MCCC2: variants seen among roughly 807,000 people sequenced by gnomAD.
MCCC2 encodes methylcrotonyl-CoA carboxylase subunit 2.
A neutral mutation model predicts 77.2 loss-of-function variants in MCCC2; 52 were observed. That is an observed-to-expected ratio of 0.67 (90% CI 0.54 to 0.85). The LOEUF is 0.85. MCCC2 is among the 40% of genes least tolerant of loss of function. MCCC2 has a pLI of 0.00. For synonymous variants in MCCC2, 253 were observed against 248.4 expected (o/e 1.02, Z -0.18); for missense variants, 682 against 703.2 (o/e 0.97, Z 0.34).
chr5:71,633,132 T>TATATATA (rs1561841495), intron 8 of MCCC2, among the ~76,000 whole-genome samples: 2 of 89,626 alleles, frequency 2.2e-5, no homozygotes, highest in African/African-American at 8.5e-5. Flanking sequence ...TATATATATA[T>TATATATA]TTTTATTTTT....
chr5:71,593,090 T>C (rs1745045212), intron 2 of MCCC2, 98 bp downstream of exon 2: 1 of 582,194 alleles, frequency 1.7e-6, no homozygotes, highest in South Asian at 3.3e-5. Flanking sequence ...GCTTTTGATA[T>C]TTTTTTTTTT....
chr5:71,636,574 G>A (rs192257981), intron 10 of MCCC2: 2 of 152,174 alleles, frequency 1.3e-5, no homozygotes, highest in Non-Finnish European at 2.9e-5. Context: ...GGTAGCACAT[G>A]CCTGTAATCC....
At chr5:71,638,094 C>T (rs536709214) in intron 10 of MCCC2, among the ~76,000 whole-genome samples, 2 of 152,164 alleles carry the variant, frequency 1.3e-5, no homozygotes, top group East Asian at 1.9e-4. Flanking sequence ...ACTCTATATC[C>T]GTAATTGTCA....
At position 71,599,691 on chromosome 5, in the gene MCCC2, G is replaced by T. The variant is rs889657860; in HGVS notation, c.314G>T (p.Gly105Val). The T allele has an allele frequency of 5.0e-6, 8 of 1,614,046 alleles. No homozygotes were observed. Among genetic ancestry groups the T allele is most frequent in the Non-Finnish European group, 5.9e-6 (7 of 1,179,976 alleles). ...SPFLELSQFA[G>V]YQLYDNEEVP... The stretch of plus-strand genomic sequence containing the variant: ...TTTCTGGAATTATCCCAGTTTGCAG[G>T]TTACCAGTTATATGACAATGAGGAG... Residue 105 changes from glycine to valine, a missense_variant, in exon 4 of 17, where the codon GGT becomes GTT. Gly to Val is a moderately radical substitution (Grantham distance 109). Transcript: ENST00000340941.
At chr5:71,632,040 G>A (rs952736013) in intron 7 of MCCC2, 81 bp from the exon 8 acceptor site, 30 of 1,175,512 alleles carry the variant, frequency 2.6e-5, no homozygotes, top group Admixed American at 8.4e-5. Flanking sequence ...GTATAGTCAG[G>A]TGAGGAGTTG....
chr5:71,653,135 T>G (rs1329692068), intron 16 of MCCC2, among the ~76,000 whole-genome samples: 1 of 152,202 alleles, frequency 6.6e-6, no homozygotes, highest in African/African-American at 2.4e-5. Flanking sequence ...AAAACCCCTC[T>G]CCTTGATCAT....
rs1018142689 is a variant in MCCC2, at chr5:71,658,057, A to G, written c.*1197A>G. On this transcript the variant is annotated 3_prime_UTR_variant, in exon 17 of 17. Coordinates refer to ENST00000340941, the MANE Select transcript of MCCC2 (RefSeq NM_022132.5). Reference sequence around the variant, plus strand: ...CCTCCAGTCTTACCTAGTCCAGTCTACCCCCTGGAGTTAGAATGGCCATCC... The same window carrying G: ...CCTCCAGTCTTACCTAGTCCAGTCTGCCCCCTGGAGTTAGAATGGCCATCC... 2.0e-5 allele frequency: 3 copies of G among 152,024 alleles called. No homozygotes were observed. Among genetic ancestry groups the G allele is most frequent in the Non-Finnish European group, 4.4e-5 (3 of 68,026 alleles). 9.4% of individuals were successfully genotyped at this position (152,024 alleles called of 1,614,324 possible).
intron 3 of MCCC2, 38 bp downstream of exon 3, chr5:71,596,402 T>C: frequency 6.7e-7 from 1 of 1,501,948 alleles, no homozygotes; most frequent in Non-Finnish European, 9.3e-7. Flanking sequence ...GAGTGTTCTC[T>C]GTTCCATAGT....
At chr5:71,611,795 T>TC (rs1407701517) in intron 6 of MCCC2, among the ~76,000 whole-genome samples, 2 of 147,400 alleles carry the variant, frequency 1.4e-5, no homozygotes, top group African/African-American at 4.9e-5. Flanking sequence ...TTTTTTTTCT[T>TC]TTTTTTTTTT....
chr5:71,626,743 G>C lies in MCCC2; in HGVS notation c.728G>C (p.Gly243Ala), dbSNP rs770351523. ...AAGCAGGGTACCATTTTCTTGGCAG[G>C]ACCCCCCTTGGTAAGAACATAAGAA... ...VRKQGTIFLAGPPLVKAATGE... is the reference protein window; with the variant it reads ...VRKQGTIFLAAPPLVKAATGE... The change falls in exon 7 of 17, where the codon GGA becomes GCA. Residue 243 changes from glycine to alanine, a missense_variant. Transcript: ENST00000340941. The C allele has an allele frequency of 1.2e-6, 2 of 1,614,074 alleles. No individual in the cohort carries two copies. Among genetic ancestry groups the C allele is most frequent in the East Asian group, 2.2e-5 (1 of 44,882 alleles).
chr5:71,616,484 G>A (rs1746158130), intron 6 of MCCC2, among the ~76,000 whole-genome samples: 1 of 152,192 alleles, frequency 6.6e-6, no homozygotes, highest in Non-Finnish European at 1.5e-5. Flanking sequence ...ACTGCTTGGT[G>A]TGTGGAGAAA....
intron 6 of MCCC2, among the ~76,000 whole-genome samples, chr5:71,612,893 A>T (rs1196066862): frequency 6.6e-6 from 1 of 152,202 alleles, no homozygotes; most frequent in East Asian, 1.9e-4. Flanking sequence ...ACAGAAATTT[A>T]TTCTGTGAAG....
At chr5:71,637,716 G>A (rs750987245) in intron 10 of MCCC2, among the ~76,000 whole-genome samples, 1 of 152,138 alleles carries the variant, frequency 6.6e-6, no homozygotes, top group East Asian at 1.9e-4. Flanking sequence ...ATTTGATCCA[G>A]GGTAGAACTT....
At chr5:71,618,761 T>A (rs1467638533) in intron 6 of MCCC2, among the ~76,000 whole-genome samples, 3 of 152,178 alleles carry the variant, frequency 2.0e-5, no homozygotes, top group Admixed American at 2.0e-4. Flanking sequence ...AGACACCAAT[T>A]ATGGTTTCCA....
intron 8 of MCCC2, among the ~76,000 whole-genome samples, chr5:71,632,397 G>T (rs1299357142): frequency 6.6e-6 from 1 of 152,168 alleles, no homozygotes; most frequent in South Asian, 2.1e-4. Flanking sequence ...GGAGAGACAG[G>T]TTTCTTATTT....
chr5:71,601,419 A>G (rs1320353661), intron 4 of MCCC2, among the ~76,000 whole-genome samples: 1 of 152,230 alleles, frequency 6.6e-6, no homozygotes, highest in Non-Finnish European at 1.5e-5. Flanking sequence ...TGAGAAGCCT[A>G]CATTTCCTTT....
chr5:71,609,847 C>A lies in MCCC2; in HGVS notation c.624+5379C>A, dbSNP rs942787366. Among the ~76,000 whole-genome samples, 15 of 152,132 alleles carry A rather than the reference C, an allele frequency of 9.9e-5. 1 individual carries two copies. The highest frequency in any genetic ancestry group is 3.6e-4 in the African/African-American group (15 of 41,508). ...CTGCCGTGTGAGATGTCAGTGTGCC[C>A]CTGCTGGGGGGTGCCTCCCAGTTAG... On this transcript the variant is annotated intron_variant, in intron 6 of 16. Transcript: ENST00000340941.
chr5:71,591,623 G>C (rs983924602), intron 1 of MCCC2, among the ~76,000 whole-genome samples: 2 of 152,068 alleles, frequency 1.3e-5, no homozygotes, highest in Middle Eastern at 3.4e-3. Context: ...TTTTAGTAGA[G>C]ACGAGTTTTC....
At chr5:71,633,671 T>C (rs1300324149) in intron 8 of MCCC2, among the ~76,000 whole-genome samples, 2 of 152,120 alleles carry the variant, frequency 1.3e-5, no homozygotes, top group African/African-American at 4.8e-5. Flanking sequence ...CAAAGACTTA[T>C]ATATACAGTG....
Sources: allele counts gnomAD v4.1 joint callset (sites outside exome capture counted in the v4.1 genomes callset), GRCh38; gene constraint gnomAD v4.1.1; transcripts MANE v1.5; gene names NCBI Gene and HGNC (gene_info 2026-07-23, HGNC 2026-07-21).